Variants in FBXO22 observed in about 807,000 individuals in gnomAD.
FBXO22 encodes the protein F-box only protein 22.
FBXO22 carries 13 observed loss-of-function variants against 37.2 expected under a neutral mutation model. The ratio of observed to expected loss-of-function variants is 0.35; its 90% CI spans 0.23 to 0.56. FBXO22 has a LOEUF of 0.56. FBXO22 is among the 20% of genes least tolerant of loss of function. The pLI is 0.87. For missense variants in FBXO22, 446 were observed against 509.9 expected (o/e 0.87, Z 1.21); for synonymous variants, 189 against 189.1 (o/e 1.00, Z 0.00).
In FBXO22 at chr15:75,938,942, TAGGATGC is replaced by T. The variant is rs1214429475; in HGVS notation, c.*5843_*5849del. ...GAAAAATGCAACATACCAAAATTTA[TAGGATGC>T]AGTGAAAGCACTGCTAAAAGGGAAA... is the stretch of plus-strand genomic sequence containing the variant. On this transcript the variant is annotated 3_prime_UTR_variant, in exon 7 of 7. Transcript: ENST00000308275. 2 of 151,972 alleles carry T rather than the reference TAGGATGC, an allele frequency of 1.3e-5. No individual in the cohort carries two copies. The highest frequency in any genetic ancestry group is 4.8e-5 in the African/African-American group (2 of 41,390). 9.4% of individuals were successfully genotyped at this position (151,972 alleles called of 1,614,324 possible).
intron 2 of FBXO22, among the ~76,000 whole-genome samples, chr15:75,910,840 T>C (rs1900036729): frequency 1.3e-5 from 2 of 152,248 alleles, no homozygotes; most frequent in South Asian, 4.1e-4. Context: ...TCTTTGCCCA[T>C]GCCTATGTCC....
rs1158657032 is a variant in FBXO22, at chr15:75,937,499, ACT to A, written c.*4400_*4401del. ...ACTCCAGCCTGGGCAATGGAGCAAG[ACT>A]CTGTCTCAAAAAAAAAAAAAAAAAA... On this transcript the variant is annotated 3_prime_UTR_variant, in exon 7 of 7. Transcript: ENST00000308275. The A allele has an allele frequency of 9.2e-6, 1 of 108,592 alleles. No homozygotes were observed. Among genetic ancestry groups the A allele is most frequent in the Non-Finnish European group, 1.7e-5 (1 of 57,394 alleles). 6.7% of individuals were successfully genotyped at this position (108,592 alleles called of 1,614,324 possible).
At chr15:75,929,514 G>GTTTTTTTT (rs35139316) in intron 5 of FBXO22, among the ~76,000 whole-genome samples, 6 of 142,608 alleles carry the variant, frequency 4.2e-5, no homozygotes, top group Non-Finnish European at 6.1e-5. Context: ...GTAAACCAGT[G>GTTTTTTTT]TTTTTTTTTT....
intron 1 of FBXO22, 144 bp from the exon 2 acceptor site, chr15:75,904,347 G>A (rs1028105609): frequency 7.9e-7 from 1 of 1,272,078 alleles, no homozygotes. Flanking sequence ...CCGAACTAGC[G>A]CCCTGACTGA....
In FBXO22 at chr15:75,934,961, A is replaced by C. The variant is rs2030218641; in HGVS notation, c.*1859A>C. 2.6e-5 allele frequency: 4 copies of C among 152,354 alleles called. No homozygotes were observed. Among genetic ancestry groups the C allele is most frequent in the Middle Eastern group, 6.8e-3 (2 of 294 alleles). 9.4% of individuals were successfully genotyped at this position (152,354 alleles called of 1,614,324 possible). On this transcript the variant is annotated 3_prime_UTR_variant, in exon 7 of 7. Coordinates refer to ENST00000308275, the MANE Select transcript of FBXO22 (RefSeq NM_147188.3). ...AAAGAGTCTGATACAGGGTAATTTC[A>C]TACAATATTTGATGTTGTTAAAGCA...
intron 5 of FBXO22, among the ~76,000 whole-genome samples, chr15:75,918,395 A>G (rs1427359474): frequency 6.6e-6 from 1 of 151,968 alleles, no homozygotes; most frequent in Non-Finnish European, 1.5e-5. Flanking sequence ...AGCAGCAAAG[A>G]CTCAGCCGGG....
Position 75,933,317 on chromosome 15 carries a change from A to G in FBXO22, c.*215A>G, listed in dbSNP as rs994610322. On this transcript the variant is annotated 3_prime_UTR_variant, in exon 7 of 7. Transcript: ENST00000308275. ...CTGACTAGGAGTTGAGAGCTTTTGC[A>G]TCAGGCAGAAGCAAACTGATTATAG... 2.6e-5 allele frequency: 13 copies of G among 504,460 alleles called. No individual in the cohort carries two copies. Among genetic ancestry groups the G allele is most frequent in the African/African-American group, 1.6e-4 (8 of 51,480 alleles). The allele number at this position is 504,460 out of a possible 1,614,324, so 31.2% of individuals were successfully genotyped here.
intron 2 of FBXO22, among the ~76,000 whole-genome samples, chr15:75,909,942 G>T (rs1357567906): frequency 6.6e-6 from 1 of 152,046 alleles, no homozygotes; most frequent in East Asian, 1.9e-4. Flanking sequence ...ACAGGCCCTG[G>T]TGTGTGATGT....
At position 75,938,886 on chromosome 15, in the gene FBXO22, A is replaced by C. The variant is rs2141739926; in HGVS notation, c.*5784A>C. The C allele has an allele frequency of 6.6e-6, 1 of 152,328 alleles. No individual in the cohort carries two copies. The highest frequency in any genetic ancestry group is 2.4e-5 in the African/African-American group (1 of 41,576). The allele number at this position is 152,328 out of a possible 1,614,324, so 9.4% of individuals were successfully genotyped here. ...AAACAAAACACTCAACCAATGGGTCAAAGAAGAAATCACAAGGGAAATTAA... is the reference window on the plus strand; with the variant it reads ...AAACAAAACACTCAACCAATGGGTCCAAGAAGAAATCACAAGGGAAATTAA... On this transcript the variant is annotated 3_prime_UTR_variant, in exon 7 of 7. Transcript: ENST00000308275.
chr15:75,908,950 A>G lies in FBXO22; in HGVS notation c.280-4253A>G, dbSNP rs1164926574. Among the ~76,000 whole-genome samples the G allele has an allele frequency of 2.6e-5, 4 of 152,328 alleles. No individual in the cohort carries two copies. In the East Asian group the frequency reaches 5.8e-4, roughly 22 times the overall value. On this transcript the variant is annotated intron_variant, in intron 2 of 6. Coordinates refer to ENST00000308275, the MANE Select transcript of FBXO22 (RefSeq NM_147188.3). ...TCTTTTATTAGTTTATCTATGTAGA[A>G]TGTATTCTGAAACATCTTGGCATTC...
intron 6 of FBXO22, chr15:75,930,417 C>T (rs2029971613): frequency 1.1e-5 from 12 of 1,068,114 alleles, no homozygotes; most frequent in Non-Finnish European, 1.3e-5. Flanking sequence ...TATGGCAAAA[C>T]TTCTCAGAGC....
chr15:75,928,172 A>T (rs948023963), intron 5 of FBXO22, among the ~76,000 whole-genome samples: 1 of 152,198 alleles, frequency 6.6e-6, no homozygotes, highest in South Asian at 2.1e-4. Context: ...TAGTTCAGCC[A>T]TTGTGGAAGA....
intron 5 of FBXO22, among the ~76,000 whole-genome samples, chr15:75,918,141 A>G (rs1275993132): frequency 6.6e-6 from 1 of 152,186 alleles, no homozygotes; most frequent in African/African-American, 2.4e-5. Flanking sequence ...CAGTGGTAAC[A>G]CCTCATTTTT....
intron 6 of FBXO22, among the ~76,000 whole-genome samples, chr15:75,931,456 A>G (rs1275770466): frequency 6.6e-6 from 1 of 152,290 alleles, no homozygotes; most frequent in East Asian, 1.9e-4. Flanking sequence ...AAGATTGACA[A>G]TGTATATTAA....
At chr15:75,908,869 C>T (rs940552544) in intron 2 of FBXO22, among the ~76,000 whole-genome samples, 1 of 152,200 alleles carries the variant, frequency 6.6e-6, no homozygotes, top group Non-Finnish European at 1.5e-5. Context: ...ACCAAGGAAA[C>T]TATATCCGTA....
intron 5 of FBXO22, among the ~76,000 whole-genome samples, chr15:75,925,077 A>T (rs1316373864): frequency 2.0e-5 from 3 of 152,090 alleles, no homozygotes; most frequent in African/African-American, 7.2e-5. Context: ...TTTGAAGGAG[A>T]GGATTGGAAG....
At chr15:75,912,195 C>T (rs1567052180) in intron 2 of FBXO22, among the ~76,000 whole-genome samples, 1 of 151,890 alleles carries the variant, frequency 6.6e-6, no homozygotes, top group Non-Finnish European at 1.5e-5. Context: ...TGAGGATTTT[C>T]ATATCGATAT....
At chr15:75,925,193 A>G (rs963740682) in intron 5 of FBXO22, among the ~76,000 whole-genome samples, 1 of 152,168 alleles carries the variant, frequency 6.6e-6, no homozygotes, top group Non-Finnish European at 1.5e-5. Context: ...CTTCTGTAAT[A>G]TGGATATAAT....
In FBXO22 at chr15:75,936,316, A is replaced by C. The variant is rs1223164074; in HGVS notation, c.*3214A>C. On this transcript the variant is annotated 3_prime_UTR_variant, in exon 7 of 7. Transcript: ENST00000308275. ...GAGTTGGCTTAATGAAAATCCTAAAATAATAAAATAAGCATTAGTAATAAT... is the reference window on the plus strand; with the variant it reads ...GAGTTGGCTTAATGAAAATCCTAAACTAATAAAATAAGCATTAGTAATAAT... 3 of 152,218 alleles carry C rather than the reference A, an allele frequency of 2.0e-5. No homozygotes were observed. The highest frequency in any genetic ancestry group is 4.4e-5 in the Non-Finnish European group (3 of 68,044). 9.4% of individuals were successfully genotyped at this position (152,218 alleles called of 1,614,324 possible).
Sources: allele counts gnomAD v4.1 joint callset (sites outside exome capture counted in the v4.1 genomes callset), GRCh38; gene constraint gnomAD v4.1.1; transcripts MANE v1.5; gene names NCBI Gene and HGNC (gene_info 2026-07-23, HGNC 2026-07-21).